The following LRP1B variants were observed in gnomAD, a reference collection of about 807,000 sequenced individuals.
The protein encoded by LRP1B is LDL receptor related protein 1B.
LRP1B carries 217 observed loss-of-function variants against 556.6 expected under a neutral mutation model. The observed-to-expected ratio is 0.39, with a 90% confidence interval of 0.35 to 0.44. The LOEUF is 0.44. Ranked by LOEUF, LRP1B falls within the 20% of genes least tolerant of loss-of-function variation. The pLI, the probability that LRP1B is intolerant of heterozygous loss-of-function variation, is 1.00. For missense variants in LRP1B, 5,053 were observed against 5,620.8 expected, an observed-to-expected ratio of 0.90 and a Z score of 3.23; for synonymous variants, 2,047 against 1,865.8, an observed-to-expected ratio of 1.10 and a Z score of -2.50.
intron 3 of LRP1B, among the ~76,000 whole-genome samples, chr2:141,376,542 T>C (rs1400822431): frequency 6.6e-6 from 1 of 152,186 alleles, no homozygotes; most frequent in Non-Finnish European, 1.5e-5. Context: ...AGGAGGCACA[T>C]TCTACCTGCA....
intron 2 of LRP1B, among the ~76,000 whole-genome samples, chr2:141,499,630 T>A (rs553209059): frequency 6.6e-6 from 1 of 152,070 alleles, no homozygotes; most frequent in Non-Finnish European, 1.5e-5. Context: ...AAGACTCAGA[T>A]GTCACATTTT....
At chr2:140,790,676 G>A (rs1690084695) in intron 32 of LRP1B, among the ~76,000 whole-genome samples, 1 of 152,142 alleles carries the variant, frequency 6.6e-6, no homozygotes, top group African/African-American at 2.4e-5. Flanking sequence ...GCACCTGAAG[G>A]TCAGAGATTA....
intron 2 of LRP1B, among the ~76,000 whole-genome samples, chr2:141,797,965 G>A (rs1433774049): frequency 2.0e-5 from 3 of 152,134 alleles, no homozygotes; most frequent in Non-Finnish European, 2.9e-5. Flanking sequence ...TATAGGCAAT[G>A]CATTATCCTT....
chr2:140,705,643 T>G (rs532450878), intron 37 of LRP1B, among the ~76,000 whole-genome samples: 1 of 150,944 alleles, frequency 6.6e-6, no homozygotes, highest in African/African-American at 2.4e-5. Flanking sequence ...AAGTAACCCC[T>G]ATTCATTTTA....
At chr2:141,901,511 T>C (rs1487619102) in intron 1 of LRP1B, among the ~76,000 whole-genome samples, 1 of 152,008 alleles carries the variant, frequency 6.6e-6, no homozygotes, top group East Asian at 1.9e-4. Context: ...ACGGGACTTA[T>C]TTGCTGCTTA....
chr2:140,483,693 T>C (rs79474871), intron 59 of LRP1B, among the ~76,000 whole-genome samples: 70,954 of 140,878 alleles, frequency 0.5, 18,225 homozygotes, highest in East Asian at 0.74. Flanking sequence ...CAGGCTGGAA[T>C]GCAGTGGCAT....
chr2:140,851,530 A>T, intron 28 of LRP1B, 122 bp downstream of exon 28: 1 of 1,095,144 alleles, frequency 9.1e-7, no homozygotes, highest in South Asian at 1.6e-5. Flanking sequence ...ACCACCTAAA[A>T]TATTTTTGAA....
At chr2:141,650,901 T>C (rs1312589501) in intron 2 of LRP1B, among the ~76,000 whole-genome samples, 2 of 152,222 alleles carry the variant, frequency 1.3e-5, no homozygotes, top group Admixed American at 1.3e-4. Context: ...GATATGTTTG[T>C]TCATTTTTCC....
chr2:140,700,903 C>CT (rs1343666274), intron 40 of LRP1B, among the ~76,000 whole-genome samples: 1 of 151,964 alleles, frequency 6.6e-6, no homozygotes, highest in Non-Finnish European at 1.5e-5. Flanking sequence ...GTATATAAAT[C>CT]TTTTTTGAAA....
intron 2 of LRP1B, among the ~76,000 whole-genome samples, chr2:141,531,027 T>A (rs1415826153): frequency 3.3e-5 from 5 of 151,370 alleles, no homozygotes; most frequent in African/African-American, 7.3e-5. Context: ...ATAATAAGAT[T>A]TATATTTTTA....
intron 41 of LRP1B, chr2:140,683,949 G>A (rs1283535935): frequency 2.9e-5 from 11 of 376,166 alleles, no homozygotes; most frequent in Non-Finnish European, 4.9e-5. Flanking sequence ...TACGTGACGC[G>A]CCTTTACTTT....
intron 6 of LRP1B, among the ~76,000 whole-genome samples, chr2:141,196,624 T>A (rs867139230): frequency 6.6e-6 from 1 of 152,028 alleles, no homozygotes; most frequent in South Asian, 2.1e-4. Flanking sequence ...GTGTTTCAGC[T>A]TTTCTTTTTC....
chr2:140,874,044 C>T (rs1414200814), intron 25 of LRP1B, among the ~76,000 whole-genome samples: 1 of 151,646 alleles, frequency 6.6e-6, no homozygotes, highest in Non-Finnish European at 1.5e-5. Flanking sequence ...TTAAGAAACA[C>T]AGATGTTCAG....
At chr2:141,829,135 T>C (rs1183984181) in intron 1 of LRP1B, among the ~76,000 whole-genome samples, 2 of 151,998 alleles carry the variant, frequency 1.3e-5, no homozygotes, top group Admixed American at 1.3e-4. Context: ...ATATTAGTAC[T>C]AGATATCTAG....
intron 37 of LRP1B, 82 bp downstream of exon 37, chr2:140,715,891 G>A (rs2105460743): frequency 8.5e-7 from 1 of 1,175,052 alleles, no homozygotes; most frequent in Non-Finnish European, 1.2e-6. Context: ...AGACATTACA[G>A]CTAAAAGTAA....
chr2:141,067,576 T>C lies in LRP1B; in HGVS notation c.1014-5303A>G, dbSNP rs147026237. Among the ~76,000 whole-genome samples, 1,451 of 152,146 alleles carry C rather than the reference T, an allele frequency of 9.5e-3. 12 individuals carry two copies. The highest frequency in any genetic ancestry group is 0.015 in the Non-Finnish European group (1,012 of 67,956). On this transcript the variant is annotated intron_variant, in intron 7 of 90. Coordinates refer to ENST00000389484, the MANE Select transcript of LRP1B (RefSeq NM_018557.3). ...CAAAAGTGTACGTGTATTGGATATG[T>C]CAGGCAATGTGGCTGACTCGTTGAA...
intron 1 of LRP1B, among the ~76,000 whole-genome samples, chr2:141,996,226 AAAC>A (rs57985503): frequency 0.6 from 72,306 of 120,826 alleles, 17,951 homozygotes; most frequent in East Asian, 0.71. Context: ...AAAAAAAAAA[AAAC>A]GTTATAAGTG....
At chr2:141,368,314 T>A (rs1426022979) in intron 3 of LRP1B, among the ~76,000 whole-genome samples, 1 of 152,152 alleles carries the variant, frequency 6.6e-6, no homozygotes, top group East Asian at 1.9e-4. Context: ...GATGAGGCCT[T>A]CCTGGAAGTG....
chr2:141,740,524 T>C (rs1693657006), intron 2 of LRP1B, among the ~76,000 whole-genome samples: 2 of 152,180 alleles, frequency 1.3e-5, no homozygotes, highest in African/African-American at 4.8e-5. Context: ...GCATGCAATG[T>C]GTAATAATCA....
Sources: gnomAD v4.1 joint callset for allele counts (sites outside exome capture counted in the v4.1 genomes callset) on GRCh38, gnomAD v4.1.1 for gene constraint, MANE v1.5 for transcripts, NCBI Gene and HGNC (gene_info 2026-07-23, HGNC 2026-07-21) for gene names.